PSMG4: variants seen among roughly 807,000 people sequenced by gnomAD.
PSMG4 encodes the protein proteasome assembly chaperone 4, also known as proteasome (prosome, macropain) assembly chaperone 4.
PSMG4 carries 10 observed loss-of-function variants against 11.0 expected under a neutral mutation model. The ratio of observed to expected loss-of-function variants is 0.91; its 90% CI spans 0.56 to 1.54. The LOEUF is 1.54. Among genes scored for constraint, PSMG4 ranks in the 40% most tolerant of loss-of-function variants. The pLI, the probability that PSMG4 is intolerant of heterozygous loss-of-function variation, is 0.00. For missense variants in PSMG4, 198 were observed against 160.9 expected (o/e 1.23, Z -1.25); for synonymous variants, 95 against 71.3 (o/e 1.33, Z -1.68).
chr6:3,255,478 C>T (rs891658168), upstream of PSMG4, among the ~76,000 whole-genome samples: 1 of 152,208 alleles, frequency 6.6e-6, no homozygotes, highest in South Asian at 2.1e-4. Flanking sequence ...CCGTCTTTCT[C>T]CCCAAAGGTA....
upstream of PSMG4, chr6:3,255,289 G>C: frequency 6.5e-7 from 1 of 1,532,488 alleles, no homozygotes; most frequent in Non-Finnish European, 8.8e-7. Context: ...GTCTATCGGT[G>C]CCCATCCTGG....
At chr6:3,255,296 C>G (rs1581540595), upstream of PSMG4, 3 of 1,525,166 alleles carry the variant, frequency 2.0e-6, no homozygotes, top group African/African-American at 2.8e-5. Flanking sequence ...GGTGCCCATC[C>G]TGGGAGAGTG....
chr6:3,260,291 A>ATATATATT, intron 1 of PSMG4, among the ~76,000 whole-genome samples: 70 of 70,856 alleles, frequency 9.9e-4, no homozygotes, highest in African/African-American at 3.6e-3. Context: ...ATATATATAT[A>ATATATATT]TTTTTTTTTT....
chr6:3,260,628 G>A (rs1265452487), intron 1 of PSMG4, among the ~76,000 whole-genome samples: 3 of 152,114 alleles, frequency 2.0e-5, no homozygotes, highest in Admixed American at 1.3e-4. Context: ...GGCGTTAGCC[G>A]CCGCGCCTGG....
intron 1 of PSMG4, among the ~76,000 whole-genome samples, chr6:3,260,292 T>TATATATA (rs1554129658): frequency 1.6e-4 from 2 of 12,650 alleles, no homozygotes; most frequent in African/African-American, 3.7e-4. Flanking sequence ...TATATATATA[T>TATATATA]TTTTTTTTTT....
At chr6:3,259,750 C>T (rs1347625042) in intron 1 of PSMG4, among the ~76,000 whole-genome samples, 3 of 152,160 alleles carry the variant, frequency 2.0e-5, no homozygotes, top group Admixed American at 6.5e-5. Flanking sequence ...TAGGCACTGC[C>T]GCCAGTCAAA....
Position 3,260,661 on chromosome 6 carries a change from T to C in PSMG4, c.174+1465T>C, listed in dbSNP as rs1757957127. Among the ~76,000 whole-genome samples the C allele has an allele frequency of 2.0e-5, 3 of 152,208 alleles. No homozygotes were observed. In the South Asian group the frequency reaches 6.2e-4, roughly 31 times the overall value. ...TGGTCTAAATTACATCTTATTTACATCTGCAGAGACCCTGTTTACAAACAA... is the reference window on the plus strand; with the variant it reads ...TGGTCTAAATTACATCTTATTTACACCTGCAGAGACCCTGTTTACAAACAA... On this transcript the variant is annotated intron_variant, in intron 1 of 2. Coordinates refer to ENST00000438998, the MANE Select transcript of PSMG4 (RefSeq NM_001128591.2).
At chr6:3,254,872 T>G (rs534471278), upstream of PSMG4, among the ~76,000 whole-genome samples, 5 of 152,086 alleles carry the variant, frequency 3.3e-5, no homozygotes, top group African/African-American at 9.7e-5. Flanking sequence ...CATGAGATGC[T>G]GGAGGGTGAC....
upstream of PSMG4, among the ~76,000 whole-genome samples, chr6:3,255,597 A>C (rs1334438548): frequency 6.6e-6 from 1 of 152,174 alleles, no homozygotes; most frequent in Non-Finnish European, 1.5e-5. Context: ...CCACTGCCTG[A>C]GTGAGGCAGA....
Position 3,267,873 on chromosome 6 carries a change from T to G in PSMG4, c.*161T>G, listed in dbSNP as rs1364540541. Reference sequence around the variant, plus strand: ...AGTGTGTGGGCCAAAAGGCTCATACTGACCCACCTGGTGAAGGAGAGGCAA... The same window carrying G: ...AGTGTGTGGGCCAAAAGGCTCATACGGACCCACCTGGTGAAGGAGAGGCAA... On this transcript the variant is annotated 3_prime_UTR_variant, in exon 3 of 3. Coordinates refer to ENST00000438998, the MANE Select transcript of PSMG4 (RefSeq NM_001128591.2). The G allele has an allele frequency of 7.6e-6, 5 of 658,704 alleles. No individual in the cohort carries two copies. In the Admixed American group the frequency reaches 1.2e-4, roughly 16 times the overall value. The allele number at this position is 658,704 out of a possible 1,614,324, so 40.8% of individuals were successfully genotyped here.
At chr6:3,261,551 A>G (rs1035380387) in intron 1 of PSMG4, among the ~76,000 whole-genome samples, 20 of 152,188 alleles carry the variant, frequency 1.3e-4, no homozygotes, top group African/African-American at 4.8e-4. Context: ...TCATCTGGAA[A>G]GTGCCCCTCC....
intron 1 of PSMG4, among the ~76,000 whole-genome samples, chr6:3,260,291 A>ATATTTTTTTTTTTTTTTTTTTTTTTTTTT: frequency 1.4e-5 from 1 of 70,842 alleles, no homozygotes; most frequent in South Asian, 5.9e-4. Context: ...ATATATATAT[A>ATATTTTTTTTTTTTTTTTTTTTTTTTTTT]TTTTTTTTTT....
chr6:3,264,170 G>A, intron 2 of PSMG4: 1 of 1,550,306 alleles, frequency 6.5e-7, no homozygotes, highest in East Asian at 2.4e-5. Context: ...TCACCTCTGT[G>A]CAGGAAGGAC....
At chr6:3,261,481 G>T (rs141209482) in intron 1 of PSMG4, among the ~76,000 whole-genome samples, 1 of 152,306 alleles carries the variant, frequency 6.6e-6, no homozygotes, top group African/African-American at 2.4e-5. Flanking sequence ...GGCTCCTCCT[G>T]TGGGTGGTTT....
At chr6:3,261,351 G>A (rs11242835) in intron 1 of PSMG4, among the ~76,000 whole-genome samples, 103,920 of 152,042 alleles carry the variant, frequency 0.68, 38,531 homozygotes, top group Non-Finnish European at 0.83. Context: ...GTGCCACCTC[G>A]CATTCTCTCT....
chr6:3,262,291 G>A (rs761645795), intron 1 of PSMG4, among the ~76,000 whole-genome samples: 1 of 152,156 alleles, frequency 6.6e-6, no homozygotes, highest in Non-Finnish European at 1.5e-5. Context: ...AGGGTGACAC[G>A]ATGGGGCTTT....
upstream of PSMG4, among the ~76,000 whole-genome samples, chr6:3,254,676 C>T (rs1461753159): frequency 3.3e-5 from 5 of 152,086 alleles, no homozygotes; most frequent in South Asian, 1.0e-3. Flanking sequence ...GCTGCGAAAC[C>T]ACTAAACTCA....
chr6:3,266,226 C>T (rs4998911), intron 2 of PSMG4: 126,144 of 151,856 alleles, frequency 0.83, 52,663 homozygotes, highest in Non-Finnish European at 0.87. Flanking sequence ...CCTGCACCTG[C>T]GCCCCTGAGC....
chr6:3,259,825 C>T (rs1245026062), intron 1 of PSMG4, among the ~76,000 whole-genome samples: 9 of 152,214 alleles, frequency 5.9e-5, no homozygotes, highest in African/African-American at 2.2e-4. Context: ...GGGACATTAT[C>T]ATTTCCCCTC....
Sources: allele counts gnomAD v4.1 joint callset (sites outside exome capture counted in the v4.1 genomes callset), GRCh38; gene constraint gnomAD v4.1.1; transcripts MANE v1.5; gene names NCBI Gene and HGNC (gene_info 2026-07-23, HGNC 2026-07-21).